Variants in NUDT14 observed in about 807,000 individuals in gnomAD.
NUDT14 encodes the protein nudix hydrolase 14, also known as uridine diphosphate glucose pyrophosphatase NUDT14.
In NUDT14, 22 loss-of-function variants were observed where a neutral mutation model predicts 17.5. The observed-to-expected ratio is 1.26, with a 90% confidence interval of 0.90 to 1.80. NUDT14 has a LOEUF of 1.80. Ranked by LOEUF, NUDT14 falls within the 40% of genes most tolerant of loss-of-function variation. The pLI is 0.00. For missense variants in NUDT14, 296 were observed against 295.6 expected (o/e 1.00, Z -0.01); for synonymous variants, 129 against 125.8 (o/e 1.03, Z -0.17).
At chr14:105,180,144 G>C (rs1308899348) in intron 1 of NUDT14, among the ~76,000 whole-genome samples, 1 of 152,220 alleles carries the variant, frequency 6.6e-6, no homozygotes, top group Non-Finnish European at 1.5e-5. Context: ...GGGACTCAGT[G>C]ATCCACTGGA....
intron 1 of NUDT14, among the ~76,000 whole-genome samples, chr14:105,178,021 G>A (rs966522558): frequency 5.3e-5 from 8 of 152,146 alleles, no homozygotes; most frequent in Non-Finnish European, 1.0e-4. Flanking sequence ...AGCACAGACC[G>A]AGCACAAGGG....
At chr14:105,174,415 C>A (rs760328440) in intron 4 of NUDT14, among the ~76,000 whole-genome samples, 13 of 152,010 alleles carry the variant, frequency 8.6e-5, no homozygotes, top group Non-Finnish European at 1.8e-4. Flanking sequence ...CTGTCGGGTG[C>A]CATGAACCAA....
At chr14:105,177,800 A>C (rs1889248404) in intron 1 of NUDT14, 65 bp from the exon 2 acceptor site, 8 of 1,530,236 alleles carry the variant, frequency 5.2e-6, no homozygotes, top group South Asian at 1.1e-5. Flanking sequence ...GGAACCGAGG[A>C]GGCCACAGAC....
intron 1 of NUDT14, among the ~76,000 whole-genome samples, chr14:105,179,491 C>T (rs1889283725): frequency 6.6e-6 from 1 of 152,268 alleles, no homozygotes; most frequent in Non-Finnish European, 1.5e-5. Flanking sequence ...TTCAGCAGAG[C>T]TGTGCCGGCG....
intron 4 of NUDT14, among the ~76,000 whole-genome samples, chr14:105,174,018 C>T (rs1436287454): frequency 1.3e-5 from 2 of 152,100 alleles, no homozygotes; most frequent in Admixed American, 1.3e-4. Context: ...ACCCACAGGA[C>T]ACAAGTTTCA....
At chr14:105,176,012 C>A (rs1442690979) in intron 4 of NUDT14, 3 of 1,263,290 alleles carry the variant, frequency 2.4e-6, no homozygotes, top group Non-Finnish European at 3.1e-6. Flanking sequence ...GGGCTTCATA[C>A]CAACATCTAG....
At position 105,173,460 on chromosome 14, in the gene NUDT14, C is replaced by T. The variant is rs1327919334; in HGVS notation, c.429-199G>A. 1.1e-5 allele frequency: 5 copies of T among 471,228 alleles called. No individual in the cohort carries two copies. In the East Asian group the frequency reaches 1.8e-4, roughly 17 times the overall value. The allele number at this position is 471,228 out of a possible 1,614,324, so 29.2% of individuals were successfully genotyped here. The stretch of plus-strand genomic sequence containing the variant: ...CCCCTCCCGCAGCAGGGCATCCCTT[C>T]CCTGATCACGTTGTACTCGCCAGGT... On this transcript the variant is annotated intron_variant, in intron 4 of 4. Transcript: ENST00000392568. This position sits in a 1 kb window ranked among gnomAD's most constrained non-coding sequence, Gnocchi z 4.7.
intron 2 of NUDT14, chr14:105,177,472 G>A (rs1889240674): frequency 3.5e-6 from 2 of 575,850 alleles, no homozygotes; most frequent in African/African-American, 1.9e-5. Flanking sequence ...CCACCATCAT[G>A]GTCCCGGTGG....
In NUDT14 at chr14:105,173,470, GT is replaced by G. The variant is rs587647865; in HGVS notation, c.429-210del. 449 of 443,126 alleles carry G rather than the reference GT, an allele frequency of 1.0e-3. 3 individuals are homozygous for G. The highest frequency in any genetic ancestry group is 7.8e-3 in the African/African-American group (388 of 49,750). 27.4% of individuals were successfully genotyped at this position (443,126 alleles called of 1,614,324 possible). A position where few individuals can be genotyped will look rare whatever the true frequency, so the allele number is the denominator to read the frequency against. The stretch of plus-strand genomic sequence containing the variant: ...AGCAGGGCATCCCTTCCCTGATCAC[GT>G]TGTACTCGCCAGGTGGGGTGGGTGT... On this transcript the variant is annotated intron_variant, in intron 4 of 4. Transcript: ENST00000392568. This position sits in a 1 kb window ranked among gnomAD's most constrained non-coding sequence, Gnocchi z 4.7.
chr14:105,176,651 C>A lies in NUDT14; in HGVS notation c.311G>T (p.Cys104Phe). 6.2e-7 allele frequency: 1 copy of A among 1,612,792 alleles called. No homozygotes were observed. The highest frequency in any genetic ancestry group is 8.5e-7 in the Non-Finnish European group (1 of 1,179,988). ...CCCAGGCTGGTCCACGAGGCCGGCACACAGCTCAACTGTCACCCCCGCTGA... is the reference window on the plus strand; with the variant it reads ...CCCAGGCTGGTCCACGAGGCCGGCAAACAGCTCAACTGTCACCCCCGCTGA... The part of the protein sequence containing the change: ...PGSAGVTVEL[C>F]AGLVDQPGLS... Residue 104 changes from cysteine to phenylalanine, a missense_variant, in exon 4 of 5, where the codon TGT (cysteine) becomes TTT (phenylalanine). By Grantham distance (205) the Cys-to-Phe change is radical. Coordinates refer to ENST00000392568, the MANE Select transcript of NUDT14 (RefSeq NM_177533.5).
rs747144949 is a variant in NUDT14 at position 105,177,118 on chromosome 14, C to G, written c.126-91G>C. 4 of 1,242,908 alleles carry G rather than the reference C, an allele frequency of 3.2e-6. No individual in the cohort carries two copies. The African/African-American group carries it at 5.9e-5, about 18-fold the overall frequency. The allele number at this position is 1,242,908 out of a possible 1,614,324, so 77.0% of individuals were successfully genotyped here. A position where few individuals can be genotyped will look rare whatever the true frequency, so the allele number is the denominator to read the frequency against. Reference sequence around the variant, plus strand: ...ATCTTTCTGTTCCCAGCGTGGCCATCCCACCTCCTTGCCAGCAGCCCAGGG... The same window carrying G: ...ATCTTTCTGTTCCCAGCGTGGCCATGCCACCTCCTTGCCAGCAGCCCAGGG... On this transcript the variant is annotated intron_variant, in intron 2 of 4. Coordinates refer to ENST00000392568, the MANE Select transcript of NUDT14 (RefSeq NM_177533.5).
intron 1 of NUDT14, among the ~76,000 whole-genome samples, chr14:105,178,607 C>T (rs769119601): frequency 2.6e-5 from 4 of 152,158 alleles, no homozygotes; most frequent in Admixed American, 6.5e-5. Context: ...TGGGGTCCCG[C>T]GGGGTCCCAT....
intron 4 of NUDT14, among the ~76,000 whole-genome samples, chr14:105,174,945 C>G (rs927812082): frequency 2.0e-5 from 3 of 152,228 alleles, no homozygotes; most frequent in African/African-American, 4.8e-5. Flanking sequence ...TCCAGCCCCC[C>G]ATCAGGCCCT....
At position 105,173,184 on chromosome 14, in the gene NUDT14, C is replaced by T; in HGVS notation, c.506G>A (p.Gly169Asp). Residue 169 changes from glycine (G) to aspartate (D), a missense_variant, in exon 5 of 5, where the codon GGT (glycine) becomes GAT (aspartate). Physicochemically the swap from Gly to Asp is moderately conservative, Grantham distance 94. Transcript: ENST00000392568. This position sits in a 1 kb window ranked among gnomAD's most constrained non-coding sequence, Gnocchi z 4.7. Reference protein sequence around the residue: ...EVTDAQRSGPGGGLVEEGELI... With the variant: ...EVTDAQRSGPDGGLVEEGELI... ...CTCACCCTCCTCCACCAGGCCCCCA[C>T]CTGGACCGCTACGCTGGGCATCTGT... 1.2e-6 allele frequency: 2 copies of T among 1,610,940 alleles called. No homozygotes were observed. The highest frequency in any genetic ancestry group is 1.3e-5 in the African/African-American group (1 of 74,966).
intron 1 of NUDT14, among the ~76,000 whole-genome samples, chr14:105,180,751 G>A (rs1889308690): frequency 6.6e-6 from 1 of 152,142 alleles, no homozygotes; most frequent in South Asian, 2.1e-4. Flanking sequence ...CCTCGGCCCA[G>A]CTATCTCCTC....
At chr14:105,177,887 G>A (rs1294359400) in intron 1 of NUDT14, 152 bp from the exon 2 acceptor site, 5 of 649,990 alleles carry the variant, frequency 7.7e-6, no homozygotes, top group African/African-American at 3.7e-5. Flanking sequence ...AGCTCCCGTG[G>A]GCAGAGGAGC....
At chr14:105,177,899 A>G (rs1291384836) in intron 1 of NUDT14, 164 bp from the exon 2 acceptor site, 4 of 627,274 alleles carry the variant, frequency 6.4e-6, no homozygotes, top group Non-Finnish European at 1.1e-5. Flanking sequence ...CAGAGGAGCA[A>G]GCAGCCTGGG....
Position 105,176,587 on chromosome 14 carries a change from C to T in NUDT14, c.375G>A (p.Glu125=). 1.2e-6 allele frequency: 2 copies of T among 1,612,764 alleles called. No individual in the cohort carries two copies. Among genetic ancestry groups the T allele is most frequent in the Non-Finnish European group, 1.7e-6 (2 of 1,179,960 alleles). The change falls in exon 4 of 5, where the codon GAG becomes GAA. Residue 125 remains glutamate, a synonymous_variant. Transcript: ENST00000392568. ...LEEVACKEAW[E]ECGYHLAPSD... Reference sequence around the variant, plus strand: ...AGGGGGCCAAGTGGTAGCCACACTCCTCCCAAGCCTCCTTGCAAGCCACTT... The same window carrying T: ...AGGGGGCCAAGTGGTAGCCACACTCTTCCCAAGCCTCCTTGCAAGCCACTT...
In NUDT14 at chr14:105,177,035, C is replaced by T. The variant is rs370249993; in HGVS notation, c.126-8G>A. On this transcript the variant is annotated splice_region_variant and splice_polypyrimidine_tract_variant and intron_variant, in intron 2 of 4. Coordinates refer to ENST00000392568, the MANE Select transcript of NUDT14 (RefSeq NM_177533.5). ...AATAAGAGAACGGTCACGCTGTGTA[C>T]GGGGGGAGGGGCTCAGCACAGAAGC... 16 of 1,610,282 alleles carry T rather than the reference C, an allele frequency of 9.9e-6. No homozygotes were observed. The highest frequency in any genetic ancestry group is 4.4e-5 in the South Asian group (4 of 90,762).
Sources: allele counts gnomAD v4.1 joint callset (sites outside exome capture counted in the v4.1 genomes callset), GRCh38; gene constraint gnomAD v4.1.1; non-coding constraint Gnocchi (gnomAD v3.1); transcripts MANE v1.5; gene names NCBI Gene and HGNC (gene_info 2026-07-23, HGNC 2026-07-21).